DHX57: variants seen among roughly 807,000 people sequenced by gnomAD.
The protein encoded by DHX57 is putative ATP-dependent RNA helicase DHX57.
DHX57 carries 105 observed loss-of-function variants against 156.2 expected under a neutral mutation model. That is an observed-to-expected ratio of 0.67 (90% CI 0.57 to 0.79). DHX57 has a LOEUF of 0.79. Ranked by LOEUF, DHX57 falls within the 30% of genes least tolerant of loss-of-function variation. The probability of loss-of-function intolerance (pLI) is 0.00; values close to 1 mark genes in which losing one functional copy is unlikely to be tolerated. For missense variants in DHX57, 1,847 were observed against 1,661.9 expected, an observed-to-expected ratio of 1.11 and a Z score of -1.94; for synonymous variants, 704 against 595.6, an observed-to-expected ratio of 1.18 and a Z score of -2.65.
intron 9 of DHX57, among the ~76,000 whole-genome samples, chr2:38,849,996 C>G (rs936424646): frequency 1.3e-5 from 2 of 152,100 alleles, no homozygotes; most frequent in African/African-American, 4.8e-5. Context: ...TATTGATGAG[C>G]TCTCCCACTA....
At chr2:38,811,064 G>A (rs1250572334) in intron 21 of DHX57, 1 of 624,684 alleles carries the variant, frequency 1.6e-6, no homozygotes, top group Non-Finnish European at 3.0e-6. Flanking sequence ...GTAGAGACCT[G>A]AAGGTGGTTG....
At chr2:38,809,188 C>T (rs555708328) in intron 21 of DHX57, among the ~76,000 whole-genome samples, 9 of 152,254 alleles carry the variant, frequency 5.9e-5, no homozygotes, top group South Asian at 4.1e-4. Context: ...GGCACAATCA[C>T]GGCTCACTGC....
chr2:38,865,439 G>GT (rs1015582778), intron 2 of DHX57, among the ~76,000 whole-genome samples: 1 of 152,128 alleles, frequency 6.6e-6, no homozygotes, highest in African/African-American at 2.4e-5. Flanking sequence ...CAGCATGATT[G>GT]TAAGTTTCCT....
Position 38,874,008 on chromosome 2 carries a change from T to G in DHX57, c.-7+1779A>C, listed in dbSNP as rs531610008. Among the ~76,000 whole-genome samples, 4 of 152,282 alleles carry G rather than the reference T, an allele frequency of 2.6e-5. No homozygotes were observed. The East Asian group carries it at 7.7e-4, about 29-fold the overall frequency. On this transcript the variant is annotated intron_variant, in intron 1 of 23. Coordinates refer to ENST00000457308, the MANE Select transcript of DHX57 (RefSeq NM_198963.3). ...ATCCACGGATACTCAAGTTCTCCAG[T>G]CAGCCCTGTAGAACCTGCATAGAGG...
intron 1 of DHX57, among the ~76,000 whole-genome samples, chr2:38,871,747 C>A (rs1665363708): frequency 6.7e-6 from 1 of 149,186 alleles, no homozygotes; most frequent in Non-Finnish European, 1.5e-5. Flanking sequence ...CACTCTGTTG[C>A]CCCAGCTGGA....
intron 13 of DHX57, among the ~76,000 whole-genome samples, chr2:38,833,711 A>G (rs867552920): frequency 7.2e-5 from 11 of 152,300 alleles, no homozygotes; most frequent in Non-Finnish European, 1.5e-4. Flanking sequence ...TGATCCTTGA[A>G]CAACATAGGT....
Position 38,861,708 on chromosome 2 carries a change from C to T in DHX57, c.702G>A (p.Glu234=), listed in dbSNP as rs768385653. The change falls in exon 5 of 24, where the codon GAG becomes GAA. Residue 234 remains glutamate, a synonymous_variant. Coordinates refer to ENST00000457308, the MANE Select transcript of DHX57 (RefSeq NM_198963.3). ...ETFGERMKIS[E]AVNQISLDEC... is the part of the protein sequence containing the mutation. ...CATCCAAGCTTATCTGGTTGACTGC[C>T]TCAGAGATCTTCATCCTCTCTCCAA... is the stretch of plus-strand genomic sequence containing the variant. The T allele has an allele frequency of 1.7e-5, 28 of 1,614,020 alleles. No individual in the cohort carries two copies. The highest frequency in any genetic ancestry group is 2.4e-5 in the Non-Finnish European group (28 of 1,180,040).
rs2124931916 is a variant in DHX57, at chr2:38,861,751, T to G, written c.659A>C (p.Gln220Pro). The G allele has an allele frequency of 1.9e-6, 3 of 1,614,178 alleles. No homozygotes were observed. Among genetic ancestry groups the G allele is most frequent in the Middle Eastern group, 3.3e-4 (2 of 6,062 alleles). Residue 220 changes from glutamine to proline, a missense_variant, in exon 5 of 24, where the codon CAG becomes CCG. Gln to Pro is a moderately conservative substitution (Grantham distance 76). Coordinates refer to ENST00000457308, the MANE Select transcript of DHX57 (RefSeq NM_198963.3). ...CTCTCCAAATGTCTCTGAAAAACACTGGGTAAGGAGATGCTCTAGTGATGC... is the reference window on the plus strand; with the variant it reads ...CTCTCCAAATGTCTCTGAAAAACACGGGGTAAGGAGATGCTCTAGTGATGC... ...VGASLEHLLT[Q>P]CFSETFGERM...
intron 7 of DHX57, 78 bp downstream of exon 7, chr2:38,856,262 A>G: frequency 6.6e-7 from 1 of 1,526,178 alleles, no homozygotes; most frequent in Non-Finnish European, 8.7e-7. Context: ...GTTTTTAACA[A>G]GTTCAACTGG....
At position 38,813,459 on chromosome 2, in the gene DHX57, C is replaced by T. The variant is rs184330972; in HGVS notation, c.3681+362G>A. Among the ~76,000 whole-genome samples, 421 of 151,646 alleles carry T rather than the reference C, an allele frequency of 2.8e-3. 4 individuals are homozygous for T. Among genetic ancestry groups the T allele is most frequent in the African/African-American group, 9.7e-3 (403 of 41,368 alleles). On this transcript the variant is annotated intron_variant, in intron 21 of 23. Coordinates refer to ENST00000457308, the MANE Select transcript of DHX57 (RefSeq NM_198963.3). Reference sequence around the variant, plus strand: ...AATCTCGGCTCATTGCAAGCTCCGACTCCCGGGTTCATGCCATTCTCCTGC... The same window carrying T: ...AATCTCGGCTCATTGCAAGCTCCGATTCCCGGGTTCATGCCATTCTCCTGC...
At chr2:38,863,145 T>A in intron 3 of DHX57, 1 of 503,178 alleles carries the variant, frequency 2.0e-6, no homozygotes, top group Non-Finnish European at 3.4e-6. Flanking sequence ...TGGAAAAAAA[T>A]AAAGATAAAA....
intron 2 of DHX57, among the ~76,000 whole-genome samples, chr2:38,867,553 T>C (rs1012354208): frequency 6.6e-6 from 1 of 152,290 alleles, no homozygotes; most frequent in African/African-American, 2.4e-5. Flanking sequence ...TGTTGCACTT[T>C]AGGCTGTTCA....
At chr2:38,837,408 C>T (rs905188236) in intron 13 of DHX57, among the ~76,000 whole-genome samples, 1 of 151,658 alleles carries the variant, frequency 6.6e-6, no homozygotes. Context: ...ATCAGGAGTT[C>T]GAGACCAGCC....
intron 21 of DHX57, among the ~76,000 whole-genome samples, chr2:38,809,463 T>TTTTTTC (rs1553322180): frequency 2.9e-5 from 3 of 102,566 alleles, no homozygotes; most frequent in African/African-American, 8.5e-5. Flanking sequence ...TCTGTTTTTT[T>TTTTTTC]TTTTTCTTTT....
At chr2:38,867,806 C>T (rs1003748413) in intron 2 of DHX57, among the ~76,000 whole-genome samples, 2 of 152,208 alleles carry the variant, frequency 1.3e-5, no homozygotes, top group African/African-American at 4.8e-5. Flanking sequence ...GATCCACACA[C>T]CTGGGCCTCC....
intron 11 of DHX57, among the ~76,000 whole-genome samples, chr2:38,845,865 CTT>C (rs5830544): frequency 8.2e-4 from 112 of 137,172 alleles, no homozygotes; most frequent in African/African-American, 1.5e-3. Flanking sequence ...TAATAGCTAA[CTT>C]TTTTTTTTTT....
intron 5 of DHX57, among the ~76,000 whole-genome samples, chr2:38,859,474 T>C (rs1474938712): frequency 2.0e-5 from 3 of 152,200 alleles, no homozygotes; most frequent in Admixed American, 6.5e-5. Context: ...TATTGTTGCA[T>C]AATTCTATAA....
chr2:38,862,511 T>A (rs1673288409), intron 3 of DHX57, 178 bp from the exon 4 acceptor site: 3 of 546,684 alleles, frequency 5.5e-6, no homozygotes, highest in East Asian at 3.3e-5. Context: ...AGGCATTTAT[T>A]AAATACCAGT....
intron 12 of DHX57, among the ~76,000 whole-genome samples, chr2:38,839,346 G>A (rs1405956359): frequency 6.6e-6 from 1 of 151,954 alleles, no homozygotes; most frequent in Non-Finnish European, 1.5e-5. Context: ...AGTCTAACTG[G>A]AACAAAATAA....
Sources: gnomAD v4.1 joint callset for allele counts (sites outside exome capture counted in the v4.1 genomes callset) on GRCh38, gnomAD v4.1.1 for gene constraint, MANE v1.5 for transcripts, NCBI Gene and HGNC (gene_info 2026-07-23, HGNC 2026-07-21) for gene names.